GREB1: variants seen among roughly 807,000 people sequenced by gnomAD.
GREB1 encodes protein GREB1.
A neutral mutation model predicts 200.7 loss-of-function variants in GREB1; 106 were observed. The observed-to-expected ratio is 0.53, with a 90% CI of 0.45 to 0.62. The LOEUF (loss-of-function observed/expected upper bound fraction) is 0.62. GREB1 is among the 20% of genes least tolerant of loss of function. The probability of loss-of-function intolerance (pLI) is 0.00; values close to 1 mark genes in which losing one functional copy is unlikely to be tolerated. For synonymous variants in GREB1, 1,132 were observed against 1,092.4 expected (o/e 1.04, Z -0.72); for missense variants, 2,243 against 2,556.8 (o/e 0.88, Z 2.65).
intron 21 of GREB1, 123 bp downstream of exon 21, chr2:11,616,843 A>G: frequency 1.5e-6 from 1 of 682,454 alleles, no homozygotes; most frequent in Non-Finnish European, 2.6e-6. Context: ...CTGGAAAGAT[A>G]AGGAAATCTT....
intron 1 of GREB1, among the ~76,000 whole-genome samples, chr2:11,527,803 A>G (rs542687863): frequency 1.3e-5 from 2 of 152,312 alleles, no homozygotes; most frequent in East Asian, 3.9e-4. Context: ...GCTCCAAAGG[A>G]AAAGTGCAGG....
In GREB1 at chr2:11,566,509, C is replaced by G. The variant is rs1388329218; in HGVS notation, c.307C>G (p.Leu103Val). The stretch of plus-strand genomic sequence containing the variant: ...TTGCCAGGCCGGGAAGGACCTGCGC[C>G]TTGTCTCCATTTCCAACGAGCCCAT... ...GFCQAGKDLR[L>V]VSISNEPMDV... Residue 103 changes from leucine to valine, a missense_variant, in exon 4 of 33, where the codon CTT (leucine) becomes GTT (valine). Around this residue, in one of 3 missense-constraint regions of GREB1, gnomAD observed 1,178 missense variants for 1,387.4 expected, o/e 0.85. Coordinates refer to ENST00000381486, the MANE Select transcript of GREB1 (RefSeq NM_014668.4). 6.2e-7 allele frequency: 1 copy of G among 1,613,306 alleles called. No homozygotes were observed. The highest frequency in any genetic ancestry group is 2.2e-5 in the East Asian group (1 of 44,858).
intron 30 of GREB1, among the ~76,000 whole-genome samples, chr2:11,636,463 G>A (rs1442095427): frequency 2.6e-5 from 4 of 152,216 alleles, no homozygotes; most frequent in Non-Finnish European, 1.5e-5. Flanking sequence ...ATGTCTTACA[G>A]TCTTTCATGT....
At chr2:11,487,025 CATTTT>C (rs1467743725) in intron 1 of GREB1, among the ~76,000 whole-genome samples, 1 of 152,056 alleles carries the variant, frequency 6.6e-6, no homozygotes, top group Non-Finnish European at 1.5e-5. Flanking sequence ...TTTTATATCT[CATTTT>C]AATGTAATAT....
At chr2:11,498,814 C>T (rs1672955032) in intron 1 of GREB1, among the ~76,000 whole-genome samples, 1 of 152,218 alleles carries the variant, frequency 6.6e-6, no homozygotes, top group Admixed American at 6.5e-5. Context: ...CCTCTGTCAG[C>T]TGCAGACTCA....
At chr2:11,631,296 C>A (rs1203635377) in intron 26 of GREB1, among the ~76,000 whole-genome samples, 1 of 152,138 alleles carries the variant, frequency 6.6e-6, no homozygotes, top group Admixed American at 6.6e-5. Context: ...GAGTGGATAG[C>A]TAAGCTCTAT....
At chr2:11,550,096 G>C (rs1218646374) in intron 1 of GREB1, among the ~76,000 whole-genome samples, 1 of 152,116 alleles carries the variant, frequency 6.6e-6, no homozygotes, top group Non-Finnish European at 1.5e-5. Context: ...GCGGGCGCCT[G>C]TAATCCCAGC....
intron 4 of GREB1, among the ~76,000 whole-genome samples, chr2:11,569,901 T>C (rs1678087878): frequency 6.6e-6 from 1 of 152,082 alleles, no homozygotes; most frequent in Non-Finnish European, 1.5e-5. Context: ...GGTGCCCAGC[T>C]GGGTTCTGCT....
chr2:11,502,020 G>A (rs1213117728), intron 1 of GREB1, among the ~76,000 whole-genome samples: 3 of 142,506 alleles, frequency 2.1e-5, no homozygotes, highest in African/African-American at 7.8e-5. Context: ...GGGTTCAAGC[G>A]GTTCTCCTGC....
Position 11,616,695 on chromosome 2 carries a change from C to G in GREB1, c.3387C>G (p.Ser1129=). 1 of 1,611,170 alleles carries G rather than the reference C, an allele frequency of 6.2e-7. No individual in the cohort carries two copies. Among genetic ancestry groups the G allele is most frequent in the Middle Eastern group, 1.7e-4 (1 of 6,052 alleles). The change falls in exon 21 of 33, where the codon TCC becomes TCG. Residue 1129 remains serine (S), a synonymous_variant. Transcript: ENST00000381486. Reference sequence around the variant, plus strand: ...GGTCCCGCTCCCACGACTCAGCATCCTCATCCCTCTCCTCCAAGGCTTCCG... The same window carrying G: ...GGTCCCGCTCCCACGACTCAGCATCGTCATCCCTCTCCTCCAAGGCTTCCG... ...RERSRSHDSA[S]SSLSSKASGS...
At chr2:11,586,936 G>A (rs1680165209) in intron 9 of GREB1, among the ~76,000 whole-genome samples, 1 of 152,094 alleles carries the variant, frequency 6.6e-6, no homozygotes, top group African/African-American at 2.4e-5. Flanking sequence ...GCCATGGCGT[G>A]TCTGTGGTAG....
chr2:11,610,327 CCT>C (rs1682805880), intron 17 of GREB1, among the ~76,000 whole-genome samples: 1 of 152,188 alleles, frequency 6.6e-6, no homozygotes, highest in South Asian at 2.1e-4. Context: ...AACTTAGTCC[CCT>C]CCTCAGAGAG....
intron 23 of GREB1, among the ~76,000 whole-genome samples, chr2:11,623,577 G>A (rs986643596): frequency 6.6e-6 from 1 of 152,174 alleles, no homozygotes; most frequent in African/African-American, 2.4e-5. Flanking sequence ...GTGTGTGTCT[G>A]TCTTAGTTTT....
chr2:11,623,356 T>C (rs902836501), intron 23 of GREB1, among the ~76,000 whole-genome samples: 6 of 152,242 alleles, frequency 3.9e-5, no homozygotes, highest in African/African-American at 1.4e-4. Context: ...TTTATTATAG[T>C]ATACACCTTC....
Position 11,618,541 on chromosome 2 carries a change from G to C in GREB1, c.3666G>C (p.Leu1222=). The change falls in exon 22 of 33, where the codon CTG becomes CTC. Residue 1222 remains leucine, a synonymous_variant. Coordinates refer to ENST00000381486, the MANE Select transcript of GREB1 (RefSeq NM_014668.4). Reference sequence around the variant, plus strand: ...CGGTCACCTCGTCGTGCTCCCAGCTGTCCTCCTCCTCGGGCTCATCCTCCT... The same window carrying C: ...CGGTCACCTCGTCGTGCTCCCAGCTCTCCTCCTCCTCGGGCTCATCCTCCT... ...QVSVTSSCSQ[L]SSSSGSSSSS... 1 of 1,612,674 alleles carries C rather than the reference G, an allele frequency of 6.2e-7. No homozygotes were observed. The highest frequency in any genetic ancestry group is 8.5e-7 in the Non-Finnish European group (1 of 1,179,826).
At chr2:11,620,795 C>A in intron 22 of GREB1, 110 bp from the exon 23 acceptor site, 1 of 672,102 alleles carries the variant, frequency 1.5e-6, no homozygotes, top group Non-Finnish European at 2.7e-6. Flanking sequence ...ATTTTAAAGA[C>A]AGGATCTTCA....
In GREB1 at chr2:11,493,953, A is replaced by T. The variant is rs1672823437; in HGVS notation, c.-159+11572A>T. ...TGGGGGCTTAGGAGAAATGAATCTG[A>T]TGGAGAAAAGATGAAAGAAGAAATG... On this transcript the variant is annotated intron_variant, in intron 1 of 2. Transcript: ENST00000628795. This position sits in a 1 kb window ranked among gnomAD's most constrained non-coding sequence, Gnocchi z 4.6. Among the ~76,000 whole-genome samples the T allele has an allele frequency of 2.0e-5, 3 of 152,176 alleles. No individual in the cohort carries two copies. The South Asian group carries it at 6.2e-4, about 31-fold the overall frequency.
Position 11,640,385 on chromosome 2 carries a change from C to T in GREB1, c.5781C>T (p.Arg1927=), listed in dbSNP as rs562100528. 107 of 1,614,174 alleles carry T rather than the reference C, an allele frequency of 6.6e-5. No individual in the cohort carries two copies. In the South Asian group the frequency reaches 1.1e-3, roughly 16 times the overall value. ...ELEDEWQFRL[R]DEFQTANARE... ...AGGACGAGTGGCAGTTCCGGCTGCG[C>T]GATGAGTTCCAGACCGCCAATGCCA... Residue 1927 remains arginine, a synonymous_variant, in exon 33 of 33, where the codon CGC becomes CGT. Coordinates refer to ENST00000381486, the MANE Select transcript of GREB1 (RefSeq NM_014668.4). This position sits in a 1 kb window ranked among gnomAD's most constrained non-coding sequence, Gnocchi z 4.6.
intron 1 of GREB1, among the ~76,000 whole-genome samples, chr2:11,489,178 C>A (rs774511825): frequency 6.6e-6 from 1 of 152,100 alleles, no homozygotes; most frequent in Non-Finnish European, 1.5e-5. Flanking sequence ...GCCGGCCGGG[C>A]ACAGTGGCTC....
Sources: gnomAD v4.1 joint callset for allele counts (sites outside exome capture counted in the v4.1 genomes callset) on GRCh38, gnomAD v4.1.1 for gene constraint, gnomAD v4.1.1 regional missense constraint, Gnocchi (gnomAD v3.1) non-coding constraint, MANE v1.5 for transcripts, NCBI Gene and HGNC (gene_info 2026-07-23, HGNC 2026-07-21) for gene names.